The following ADAM19 variants were observed in gnomAD, a reference collection of about 807,000 sequenced individuals.
ADAM19 encodes disintegrin and metalloproteinase domain-containing protein 19.
ADAM19 carries 65 observed loss-of-function variants against 114.7 expected under a neutral mutation model. That is an observed-to-expected ratio of 0.57 (90% CI 0.46 to 0.70). ADAM19 has a LOEUF of 0.70. Among genes scored for constraint, ADAM19 ranks in the 30% least tolerant of loss-of-function variants. The probability of loss-of-function intolerance (pLI) is 0.00; values close to 1 mark genes in which losing one functional copy is unlikely to be tolerated. For missense variants in ADAM19, 1,063 were observed against 1,204.7 expected, an observed-to-expected ratio of 0.88 and a Z score of 1.74; for synonymous variants, 466 against 460.5, an observed-to-expected ratio of 1.01 and a Z score of -0.15.
Position 157,488,369 on chromosome 5 carries a change from T to C in ADAM19, c.2446A>G (p.Arg816Gly). Residue 816 changes from arginine (R) to glycine (G), a missense_variant, in exon 21 of 23, where the codon AGG becomes GGG. Physicochemically the swap from Arg to Gly is moderately radical, Grantham distance 125. This residue lies in a region of ADAM19 where 424 missense variants were observed against 445.5 expected (regional missense o/e 0.95). Coordinates refer to ENST00000257527, the MANE Select transcript of ADAM19 (RefSeq NM_033274.5). The stretch of plus-strand genomic sequence containing the variant: ...TGAGACCCGGGCCCTGGGGAGTTCC[T>C]AGCAGCCCTGCTCAGGTGAGCTGGC... ...PLPAHLSRAA[R>G]NSPGPGSQIE... 6 of 1,614,158 alleles carry C rather than the reference T, an allele frequency of 3.7e-6. No individual in the cohort carries two copies. Among genetic ancestry groups the C allele is most frequent in the Non-Finnish European group, 4.2e-6 (5 of 1,180,004 alleles).
chr5:157,489,079 G>T (rs775190280), intron 20 of ADAM19, 23 bp downstream of exon 20: 2 of 1,605,202 alleles, frequency 1.2e-6, no homozygotes, highest in Non-Finnish European at 1.7e-6. Flanking sequence ...AAGTAGCAAA[G>T]TTCAGTGGTG....
intron 18 of ADAM19, among the ~76,000 whole-genome samples, chr5:157,491,310 T>C (rs934604313): frequency 3.3e-5 from 5 of 152,108 alleles, no homozygotes; most frequent in African/African-American, 1.2e-4. Context: ...CAAAGAGAAA[T>C]AGTCACCGTG....
rs1756811857 is a variant in ADAM19, at chr5:157,538,007, A to T, written c.252-16T>A. ...AAAAAGTTGCCTGCAAAAAATAAAA[A>T]GAGACATTTATATCATAAGTGGATG... On this transcript the variant is annotated splice_polypyrimidine_tract_variant and intron_variant, in intron 3 of 22. Transcript: ENST00000257527. 6.2e-7 allele frequency: 1 copy of T among 1,604,078 alleles called. No individual in the cohort carries two copies. The highest frequency in any genetic ancestry group is 8.5e-7 in the Non-Finnish European group (1 of 1,170,992).
chr5:157,515,343 A>G (rs1581318944), intron 7 of ADAM19, among the ~76,000 whole-genome samples: 2 of 152,358 alleles, frequency 1.3e-5, no homozygotes, highest in South Asian at 4.1e-4. Context: ...TCAAAAAAAT[A>G]TTAATCTTCT....
chr5:157,563,129 A>G (rs1757557358), intron 3 of ADAM19, among the ~76,000 whole-genome samples: 2 of 152,134 alleles, frequency 1.3e-5, no homozygotes, highest in South Asian at 4.1e-4. Context: ...TCCAGGGCCA[A>G]TAGACGCTGC....
At chr5:157,562,604 C>T (rs1363561386) in intron 3 of ADAM19, among the ~76,000 whole-genome samples, 1 of 152,236 alleles carries the variant, frequency 6.6e-6, no homozygotes, top group South Asian at 2.1e-4. Flanking sequence ...GGGTCACATT[C>T]TGTAACTCCA....
chr5:157,506,963 A>G (rs1399767397), intron 10 of ADAM19, 93 bp downstream of exon 10: 12 of 1,131,690 alleles, frequency 1.1e-5, no homozygotes, highest in African/African-American at 1.6e-5. Flanking sequence ...CTGCTACAAT[A>G]ATAAATATCA....
chr5:157,563,731 A>G (rs1408424581), intron 3 of ADAM19, among the ~76,000 whole-genome samples: 2 of 152,198 alleles, frequency 1.3e-5, no homozygotes, highest in East Asian at 3.9e-4. Flanking sequence ...ATAGCCATGC[A>G]TCGTGCCCAT....
At chr5:157,488,129 C>T in intron 21 of ADAM19, 136 bp downstream of exon 21, 1 of 852,162 alleles carries the variant, frequency 1.2e-6, no homozygotes. Context: ...CTGTGCGCCC[C>T]CGTATTGACT....
chr5:157,563,277 C>T (rs1302391744), intron 3 of ADAM19, among the ~76,000 whole-genome samples: 1 of 152,158 alleles, frequency 6.6e-6, no homozygotes, highest in African/African-American at 2.4e-5. Context: ...CCGAGGCCAC[C>T]ATGTCCTGGA....
intron 3 of ADAM19, among the ~76,000 whole-genome samples, chr5:157,542,576 C>T (rs1049093243): frequency 7.2e-5 from 11 of 152,266 alleles, no homozygotes; most frequent in African/African-American, 2.4e-4. Flanking sequence ...TTTGGGAGGC[C>T]GAGGCAGGTG....
At position 157,479,988 on chromosome 5, in the gene ADAM19, T is replaced by A; in HGVS notation, c.*961A>T. 1 of 985,876 alleles carries A rather than the reference T, an allele frequency of 1.0e-6. No individual in the cohort carries two copies. 61.1% of individuals were successfully genotyped at this position (985,876 alleles called of 1,614,324 possible). ...CAATGGCCATGCCCCAAGTCTACTC[T>A]GGTCACACTCCTGAGAGCCAGTGAG... On this transcript the variant is annotated 3_prime_UTR_variant, in exon 23 of 23. Coordinates refer to ENST00000257527, the MANE Select transcript of ADAM19 (RefSeq NM_033274.5).
chr5:157,551,409 C>CA (rs1379708209), intron 3 of ADAM19, among the ~76,000 whole-genome samples: 5 of 37,298 alleles, frequency 1.3e-4, no homozygotes, highest in African/African-American at 2.3e-4. Context: ...GTCCCCCCAA[C>CA]CCCAAAAAAA....
rs1754704390 is a variant in ADAM19, at chr5:157,480,253, G to A, written c.*696C>T. The A allele has an allele frequency of 1.0e-6, 1 of 985,964 alleles. No individual in the cohort carries two copies. The highest frequency in any genetic ancestry group is 1.7e-5 in the African/African-American group (1 of 57,378). The allele number at this position is 985,964 out of a possible 1,614,324, so 61.1% of individuals were successfully genotyped here. On this transcript the variant is annotated 3_prime_UTR_variant, in exon 23 of 23. Transcript: ENST00000257527. ...CAACCTTTGGCATCACGGCTCAGAG[G>A]AAGCCCAAGCCCGGTGCTCCTCCTG...
At chr5:157,572,334 G>C (rs760059578) in intron 1 of ADAM19, 17 of 447,790 alleles carry the variant, frequency 3.8e-5, no homozygotes, top group Non-Finnish European at 4.9e-5. Context: ...GATTTGTTCA[G>C]GGCGCTGCAG....
chr5:157,481,139 C>T (rs906759406), intron 22 of ADAM19, 137 bp from the exon 23 acceptor site: 4 of 1,149,672 alleles, frequency 3.5e-6, no homozygotes, highest in African/African-American at 3.0e-5. Flanking sequence ...TGAAGTCCAT[C>T]CATGTGTCCA....
chr5:157,547,012 A>C (rs188168948), intron 3 of ADAM19, among the ~76,000 whole-genome samples: 90 of 152,308 alleles, frequency 5.9e-4, no homozygotes, highest in African/African-American at 2.1e-3. Flanking sequence ...AAGTGCTTAG[A>C]ATTTTAGATA....
chr5:157,516,991 A>G (rs1756110222), intron 7 of ADAM19, among the ~76,000 whole-genome samples: 1 of 152,124 alleles, frequency 6.6e-6, no homozygotes, highest in Non-Finnish European at 1.5e-5. Flanking sequence ...CAATATCAAC[A>G]TCAGTTAAAA....
chr5:157,551,877 G>C (rs1045746516), intron 3 of ADAM19, among the ~76,000 whole-genome samples: 2 of 152,116 alleles, frequency 1.3e-5, no homozygotes, highest in Non-Finnish European at 2.9e-5. Flanking sequence ...CAACAAGCTG[G>C]GTGCCTTGAC....
Sources: allele counts gnomAD v4.1 joint callset (sites outside exome capture counted in the v4.1 genomes callset), GRCh38; gene constraint gnomAD v4.1.1; regional missense constraint gnomAD v4.1.1; transcripts MANE v1.5; gene names NCBI Gene and HGNC (gene_info 2026-07-23, HGNC 2026-07-21).